The following CLSTN1 variants were observed in gnomAD, a reference collection of about 807,000 sequenced individuals.
The protein encoded by CLSTN1 is calsyntenin-1.
Under a neutral mutation model 108.3 loss-of-function variants are expected in CLSTN1, and 28 were observed. The ratio of observed to expected loss-of-function variants is 0.26; its 90% CI spans 0.19 to 0.35. CLSTN1 has a LOEUF of 0.35. CLSTN1 is among the 10% of genes least tolerant of loss of function. CLSTN1 has a pLI of 1.00. For missense variants in CLSTN1, 1,157 were observed against 1,302.6 expected (o/e 0.89, Z 1.72); for synonymous variants, 524 against 534.9 (o/e 0.98, Z 0.28).
At chr1:9,743,342 G>A (rs1218543961) in intron 9 of CLSTN1, among the ~76,000 whole-genome samples, 1 of 152,182 alleles carries the variant, frequency 6.6e-6, no homozygotes, top group East Asian at 1.9e-4. Flanking sequence ...GCTGAGGTGG[G>A]TGCATCAGTT....
Position 9,730,062 on chromosome 1 carries a change from T to G in CLSTN1, c.*446A>C. The G allele has an allele frequency of 5.1e-6, 1 of 195,016 alleles. No homozygotes were observed. Among genetic ancestry groups the G allele is most frequent in the Non-Finnish European group, 1.1e-5 (1 of 91,456 alleles). The allele number at this position is 195,016 out of a possible 1,614,324, so 12.1% of individuals were successfully genotyped here. ...CACAGTACCCCCCATCCTGCCATTA[T>G]TTATACATGCACTAGTTTGGAAAAA... On this transcript the variant is annotated 3_prime_UTR_variant, in exon 19 of 19. Coordinates refer to ENST00000377298, the MANE Select transcript of CLSTN1 (RefSeq NM_001009566.3). This position sits in a 1 kb window ranked among gnomAD's most constrained non-coding sequence, Gnocchi z 5.6.
At chr1:9,796,280 AAAAAC>A (rs1366097009) in intron 1 of CLSTN1, among the ~76,000 whole-genome samples, 4 of 147,044 alleles carry the variant, frequency 2.7e-5, no homozygotes, top group Non-Finnish European at 4.4e-5. Flanking sequence ...AAAAAAAACA[AAAAAC>A]AAAACAAAAC....
Position 9,770,872 on chromosome 1 carries a change from T to C in CLSTN1, c.214+2400A>G, listed in dbSNP as rs147330108. On this transcript the variant is annotated intron_variant, in intron 2 of 18. Coordinates refer to ENST00000377298, the MANE Select transcript of CLSTN1 (RefSeq NM_001009566.3). ...AGCAGGGCATGGTGGCGGGCACCTG[T>C]AATCCCAGCTAATGGGAGGCTGAGG... 6.0e-3 allele frequency among the ~76,000 whole-genome samples: 920 copies of C among 152,138 alleles called. 16 individuals carry two copies. The highest frequency in any genetic ancestry group is 0.021 in the African/African-American group (889 of 41,500).
chr1:9,805,043 C>T (rs1030763785), intron 1 of CLSTN1, among the ~76,000 whole-genome samples: 1 of 151,508 alleles, frequency 6.6e-6, no homozygotes, highest in Admixed American at 6.6e-5. Context: ...TCACTTGAAC[C>T]TGGGAAGCAG....
intron 2 of CLSTN1, among the ~76,000 whole-genome samples, chr1:9,760,742 TG>T (rs2101127630): frequency 6.9e-6 from 1 of 144,066 alleles, no homozygotes; most frequent in East Asian, 2.1e-4. Flanking sequence ...TTGCCCAGGC[TG>T]GTCTTGGACT....
intron 1 of CLSTN1, among the ~76,000 whole-genome samples, chr1:9,773,626 A>C (rs1652795373): frequency 6.6e-6 from 1 of 152,214 alleles, no homozygotes. Context: ...ACCAGAAATA[A>C]GAAATAAATT....
At chr1:9,782,188 AACTTCT>A (rs1480625840) in intron 1 of CLSTN1, among the ~76,000 whole-genome samples, 4 of 152,230 alleles carry the variant, frequency 2.6e-5, no homozygotes, top group Non-Finnish European at 5.9e-5. Flanking sequence ...TAAAAATTTA[AACTTCT>A]AGAAACTTAG....
chr1:9,793,276 G>A (rs1056212291), intron 1 of CLSTN1, among the ~76,000 whole-genome samples: 1 of 151,468 alleles, frequency 6.6e-6, no homozygotes, highest in African/African-American at 2.4e-5. Flanking sequence ...GCCTCCCAAA[G>A]TGTTGGGATT....
At chr1:9,815,626 T>G (rs1654939004) in intron 1 of CLSTN1, among the ~76,000 whole-genome samples, 1 of 152,168 alleles carries the variant, frequency 6.6e-6, no homozygotes, top group African/African-American at 2.4e-5. Flanking sequence ...TACAACCAAC[T>G]GGTAGTTCCT....
chr1:9,759,477 T>A (rs760772590), intron 2 of CLSTN1, among the ~76,000 whole-genome samples: 27 of 152,110 alleles, frequency 1.8e-4, no homozygotes, highest in Non-Finnish European at 7.4e-5. Flanking sequence ...AGAGACGGGG[T>A]TTCACCGCGT....
At chr1:9,770,516 C>T (rs993726153) in intron 2 of CLSTN1, among the ~76,000 whole-genome samples, 2 of 152,224 alleles carry the variant, frequency 1.3e-5, no homozygotes, top group African/African-American at 4.8e-5. Context: ...GGAGCCCTGC[C>T]TCTGCACCCC....
chr1:9,741,235 G>A lies in CLSTN1; in HGVS notation c.1378C>T (p.His460Tyr), dbSNP rs1362383179. ...GGGAATTCTACATTGAGGACGTAGT[G>A]GTGCCATTCCTCATCACAGACCTAC... ...LNQVCDEEWH[H>Y]YVLNVEFPSV... Residue 460 changes from histidine to tyrosine, a missense_variant, in exon 10 of 19, where the codon CAC becomes TAC. Physicochemically the swap from His to Tyr is moderately conservative, Grantham distance 83. Transcript: ENST00000377298. The A allele has an allele frequency of 5.0e-6, 8 of 1,612,722 alleles. No individual in the cohort carries two copies. The highest frequency in any genetic ancestry group is 5.9e-6 in the Non-Finnish European group (7 of 1,178,874).
intron 9 of CLSTN1, among the ~76,000 whole-genome samples, chr1:9,741,905 C>CT (rs1553176151): frequency 3.9e-5 from 6 of 152,222 alleles, no homozygotes; most frequent in Non-Finnish European, 8.8e-5. Context: ...GAGCAAGACT[C>CT]TATCTCCTCC....
At chr1:9,782,872 T>TGGC (rs753775085) in intron 1 of CLSTN1, among the ~76,000 whole-genome samples, 1 of 152,208 alleles carries the variant, frequency 6.6e-6, no homozygotes, top group Admixed American at 6.5e-5. Context: ...CCGGGCGTGG[T>TGGC]GGCACACGCC....
At chr1:9,806,617 C>A (rs193158455) in intron 1 of CLSTN1, among the ~76,000 whole-genome samples, 116 of 152,200 alleles carry the variant, frequency 7.6e-4, no homozygotes, top group African/African-American at 2.6e-3. Context: ...CGGTGGCTCA[C>A]GCCTGTAATC....
chr1:9,756,535 T>C lies in CLSTN1; in HGVS notation c.215-25A>G, dbSNP rs762922677. 6 of 1,605,734 alleles carry C rather than the reference T, an allele frequency of 3.7e-6. No individual in the cohort carries two copies. In the Admixed American group the frequency reaches 5.0e-5, roughly 13 times the overall value. The stretch of plus-strand genomic sequence containing the variant: ...TCTAAAGGGAGAAAAGATAAGCCCA[T>C]GTCAGTAATACAGGAAAGAATGAAG... On this transcript the variant is annotated intron_variant, in intron 2 of 18. Transcript: ENST00000377298.
intron 1 of CLSTN1, among the ~76,000 whole-genome samples, chr1:9,814,579 C>T (rs957185443): frequency 1.3e-5 from 2 of 152,172 alleles, no homozygotes; most frequent in African/African-American, 2.4e-5. Context: ...TAACAAAGCA[C>T]ATTTTTAGCC....
intron 7 of CLSTN1, among the ~76,000 whole-genome samples, chr1:9,747,577 A>C (rs891030105): frequency 6.6e-6 from 1 of 152,054 alleles, no homozygotes; most frequent in South Asian, 2.1e-4. Flanking sequence ...CTCTTGGCTC[A>C]CTGCAGCCTC....
intron 1 of CLSTN1, among the ~76,000 whole-genome samples, chr1:9,787,546 G>C (rs1282283722): frequency 6.6e-6 from 1 of 150,786 alleles, no homozygotes; most frequent in Non-Finnish European, 1.5e-5. Context: ...TGGGACTACA[G>C]GCACCTGCCA....
Sources: gnomAD v4.1 joint callset for allele counts (sites outside exome capture counted in the v4.1 genomes callset) on GRCh38, gnomAD v4.1.1 for gene constraint, Gnocchi (gnomAD v3.1) non-coding constraint, MANE v1.5 for transcripts, NCBI Gene and HGNC (gene_info 2026-07-23, HGNC 2026-07-21) for gene names.